Variants in SUSD1 observed in about 807,000 individuals in gnomAD.
The protein encoded by SUSD1 is sushi domain containing 1.
In SUSD1, 65 loss-of-function variants were observed where a neutral mutation model predicts 86.9. That is an observed-to-expected ratio of 0.75 (90% CI 0.61 to 0.92). The LOEUF is 0.92. Among genes scored for constraint, SUSD1 ranks in the 40% least tolerant of loss-of-function variants. SUSD1 has a pLI of 0.00. For synonymous variants in SUSD1, 346 were observed against 350.0 expected (o/e 0.99, Z 0.13); for missense variants, 850 against 929.7 (o/e 0.91, Z 1.11).
intron 2 of SUSD1, 25 bp downstream of exon 2, chr9:112,157,475 A>T: frequency 6.5e-7 from 1 of 1,538,030 alleles, no homozygotes. Flanking sequence ...CAGCTTTTCA[A>T]CTTAACCCAG....
intron 4 of SUSD1, 100 bp downstream of exon 4, chr9:112,143,371 A>C: frequency 8.1e-7 from 1 of 1,227,792 alleles, no homozygotes; most frequent in Non-Finnish European, 1.2e-6. Context: ...AAAGGATCAG[A>C]TCACCTCCAC....
At chr9:112,052,104 C>T in intron 15 of SUSD1, 1 of 1,336,702 alleles carries the variant, frequency 7.5e-7, no homozygotes, top group Non-Finnish European at 9.6e-7. Context: ...AGCCAAGTGA[C>T]TCTTAGAAAC....
At chr9:112,089,245 T>A (rs1830105016) in intron 10 of SUSD1, among the ~76,000 whole-genome samples, 1 of 152,230 alleles carries the variant, frequency 6.6e-6, no homozygotes. Context: ...CTTTAAAAAT[T>A]AATAAATAAA....
At chr9:112,062,789 C>T in intron 13 of SUSD1, 148 bp downstream of exon 13, 1 of 520,840 alleles carries the variant, frequency 1.9e-6, no homozygotes, top group South Asian at 3.3e-5. Context: ...CAGTCTGTAC[C>T]CAAGGAAACA....
chr9:112,078,725 C>G lies in SUSD1; in HGVS notation c.1567-1G>C, dbSNP rs763306256. The G allele has an allele frequency of 1.9e-6, 3 of 1,608,808 alleles. No individual in the cohort carries two copies. The highest frequency in any genetic ancestry group is 1.7e-5 in the Admixed American group (1 of 59,870). On this transcript the variant is annotated splice_acceptor_variant, in intron 11 of 16. Coordinates refer to ENST00000374270, the MANE Select transcript of SUSD1 (RefSeq NM_022486.5). LOFTEE classifies it high-confidence loss of function. ...ACCATCTCTGGCCCCAAATGTGGAA[C>G]TGAAACATAAAAAAGCTCACTGGGT...
At chr9:112,042,097 A>T in intron 15 of SUSD1, 137 bp from the exon 16 acceptor site, 2 of 1,543,990 alleles carry the variant, frequency 1.3e-6, no homozygotes, top group Non-Finnish European at 1.7e-6. Flanking sequence ...AATGCCCAAC[A>T]TGCCTGTGTG....
intron 1 of SUSD1, chr9:112,169,410 A>G (rs1290504809): frequency 6.6e-6 from 1 of 151,550 alleles, no homozygotes; most frequent in Non-Finnish European, 1.5e-5. Flanking sequence ...AAAAAAAATC[A>G]AAAAACAAAC....
intron 5 of SUSD1, among the ~76,000 whole-genome samples, chr9:112,128,073 T>C (rs752332630): frequency 6.6e-6 from 1 of 151,850 alleles, no homozygotes; most frequent in Non-Finnish European, 1.5e-5. Context: ...AAAAAACTTT[T>C]TTTGTTTGTT....
intron 10 of SUSD1, among the ~76,000 whole-genome samples, chr9:112,086,546 GAAAGAAAGAAAGAA>G: frequency 7.8e-6 from 1 of 127,422 alleles, no homozygotes. Flanking sequence ...AAAAAAGAAA[GAAAGAAAGAAAGAA>G]AGAGAGAGAG....
At chr9:112,148,906 T>TA (rs34699293) in intron 3 of SUSD1, among the ~76,000 whole-genome samples, 14,394 of 142,022 alleles carry the variant, frequency 0.1, 931 homozygotes, top group Non-Finnish European at 0.15. Context: ...ACCCCCCCCT[T>TA]AAAAAAAAAA....
rs1419054485 is a variant in SUSD1, at chr9:112,168,293, C to T, written c.103+6840G>A. Among the ~76,000 whole-genome samples the T allele has an allele frequency of 2.0e-5, 3 of 152,314 alleles. No individual in the cohort carries two copies. The South Asian group carries it at 6.2e-4, about 32-fold the overall frequency. On this transcript the variant is annotated intron_variant, in intron 1 of 16. Coordinates refer to ENST00000374270, the MANE Select transcript of SUSD1 (RefSeq NM_022486.5). ...AATGCACTGATGCAAAAATCAAGAGCGGTATCTTTGTGCATTCAGGTGTCT... is the reference window on the plus strand; with the variant it reads ...AATGCACTGATGCAAAAATCAAGAGTGGTATCTTTGTGCATTCAGGTGTCT...
intron 13 of SUSD1, among the ~76,000 whole-genome samples, chr9:112,062,088 G>C (rs77419923): frequency 6.6e-6 from 1 of 152,126 alleles, no homozygotes; most frequent in South Asian, 2.1e-4. Context: ...CCCAGAAGCA[G>C]TCATTAATTA....
At chr9:112,163,786 G>A (rs1833666747) in intron 1 of SUSD1, among the ~76,000 whole-genome samples, 1 of 152,044 alleles carries the variant, frequency 6.6e-6, no homozygotes, top group Non-Finnish European at 1.5e-5. Flanking sequence ...ATCACTTGAG[G>A]CCAGGAGTTT....
chr9:112,149,217 C>T, intron 3 of SUSD1, 27 bp downstream of exon 3: 1 of 1,611,912 alleles, frequency 6.2e-7, no homozygotes, highest in African/African-American at 1.3e-5. Flanking sequence ...CGCCAATTGT[C>T]AACACCGCAG....
At chr9:112,168,463 A>T (rs1480509728) in intron 1 of SUSD1, among the ~76,000 whole-genome samples, 2 of 152,180 alleles carry the variant, frequency 1.3e-5, no homozygotes, top group Non-Finnish European at 2.9e-5. Context: ...AGCCCTGCTC[A>T]CCTGTCCTTC....
chr9:112,154,331 CACACA>C (rs1476469971), intron 2 of SUSD1, among the ~76,000 whole-genome samples: 1 of 110,606 alleles, frequency 9.0e-6, no homozygotes, highest in African/African-American at 3.9e-5. Flanking sequence ...TCCACACACA[CACACA>C]AAAAAAAAAA....
chr9:112,107,101 C>A (rs1830876192), intron 8 of SUSD1, among the ~76,000 whole-genome samples: 1 of 151,040 alleles, frequency 6.6e-6, no homozygotes, highest in Non-Finnish European at 1.5e-5. Flanking sequence ...CTTGTCTTTA[C>A]AAAATGAAAA....
intron 5 of SUSD1, among the ~76,000 whole-genome samples, chr9:112,129,202 G>A (rs10119447): frequency 0.22 from 33,198 of 152,110 alleles, 3,882 homozygotes; most frequent in Non-Finnish European, 0.27. Flanking sequence ...CTGAATGTTC[G>A]TGGTGATAGT....
intron 8 of SUSD1, chr9:112,105,043 A>G (rs1830780071): frequency 6.6e-6 from 1 of 152,222 alleles, no homozygotes; most frequent in South Asian, 2.1e-4. Flanking sequence ...TAATAAAAGA[A>G]CGTGACAGCA....
Sources: gnomAD v4.1 joint callset for allele counts (sites outside exome capture counted in the v4.1 genomes callset) on GRCh38, gnomAD v4.1.1 for gene constraint, MANE v1.5 for transcripts, NCBI Gene and HGNC (gene_info 2026-07-23, HGNC 2026-07-21) for gene names.